PRPF8: variants seen among roughly 807,000 people sequenced by gnomAD.
The protein encoded by PRPF8 is pre-mRNA processing factor 8.
In PRPF8, 64 loss-of-function variants were observed where a neutral mutation model predicts 285.9. The ratio of observed to expected loss-of-function variants is 0.22; its 90% CI spans 0.18 to 0.28. The LOEUF is 0.28. Ranked by LOEUF, PRPF8 falls within the 10% of genes least tolerant of loss-of-function variation. PRPF8 has a pLI of 1.00. For missense variants in PRPF8, 1,426 were observed against 3,026.7 expected (o/e 0.47, Z 12.41); for synonymous variants, 1,325 against 1,118.2 (o/e 1.18, Z -3.69).
chr17:1,667,349 C>G (rs980473990), intron 24 of PRPF8, among the ~76,000 whole-genome samples: 1 of 152,170 alleles, frequency 6.6e-6, no homozygotes, highest in Middle Eastern at 3.4e-3. Context: ...GGGGAGGAGG[C>G]ATAAATTCCT....
rs186483254 is a variant in PRPF8, at chr17:1,667,035, T to C, written c.3775-4882A>G. On this transcript the variant is annotated intron_variant, in intron 24 of 42. Coordinates refer to ENST00000304992, the MANE Select transcript of PRPF8 (RefSeq NM_006445.4). ...TAAAAATACAAAAATTAGCCGGGCATGGTGGCAGGCACCTGTAATCCCAGC... is the reference window on the plus strand; with the variant it reads ...TAAAAATACAAAAATTAGCCGGGCACGGTGGCAGGCACCTGTAATCCCAGC... Among the ~76,000 whole-genome samples the C allele has an allele frequency of 2.0e-3, 302 of 152,260 alleles. 2 individuals carry two copies. The highest frequency in any genetic ancestry group is 6.8e-3 in the African/African-American group (283 of 41,540).
chr17:1,672,659 G>A (rs925130088), intron 24 of PRPF8, among the ~76,000 whole-genome samples: 3 of 151,956 alleles, frequency 2.0e-5, no homozygotes, highest in African/African-American at 7.3e-5. Context: ...TCTCAATTCC[G>A]GTTGCCTTCG....
chr17:1,682,389 T>C, intron 3 of PRPF8, 96 bp from the exon 4 acceptor site: 1 of 1,478,780 alleles, frequency 6.8e-7, no homozygotes, highest in Non-Finnish European at 9.4e-7. Context: ...TCCACAGTCC[T>C]ACCTTACAAT....
rs1195954190 is a variant in PRPF8 at position 1,653,496 on chromosome 17, A to G, written c.6369+46T>C. The G allele has an allele frequency of 1.2e-6, 2 of 1,613,336 alleles. No homozygotes were observed. The highest frequency in any genetic ancestry group is 1.7e-6 in the Non-Finnish European group (2 of 1,179,308). On this transcript the variant is annotated intron_variant, in intron 39 of 42. Coordinates refer to ENST00000304992, the MANE Select transcript of PRPF8 (RefSeq NM_006445.4). This position sits in a 1 kb window ranked among gnomAD's most constrained non-coding sequence, Gnocchi z 4.9. ...TCTCAGGTCTGAGTTTTAGGCACAA[A>G]ATGAGTTGGGCACACACTGTGGCCT...
chr17:1,667,841 CTATT>C (rs987446441), intron 24 of PRPF8, among the ~76,000 whole-genome samples: 78 of 152,210 alleles, frequency 5.1e-4, no homozygotes, highest in African/African-American at 1.7e-3. Flanking sequence ...CGCACCCGGC[CTATT>C]TATTTATTTT....
At position 1,678,716 on chromosome 17, in the gene PRPF8, C is replaced by T. The variant is rs116616717; in HGVS notation, c.1719+46G>A. ...CAGCTCCACGGTCAGCACAGGCTTC[C>T]TCCAGCGTCCTCACCCAGGCAGGGG... On this transcript the variant is annotated intron_variant, in intron 12 of 42. Transcript: ENST00000304992. 3.6e-3 allele frequency: 5,834 copies of T among 1,614,118 alleles called. 184 individuals are homozygous for T. The African/African-American group carries it at 0.067, about 18-fold the overall frequency.
chr17:1,652,374 G>A (rs1256772992), intron 39 of PRPF8, among the ~76,000 whole-genome samples: 1 of 152,158 alleles, frequency 6.6e-6, no homozygotes, highest in Non-Finnish European at 1.5e-5. Context: ...GAGTAGCTGG[G>A]ACTACAGGCA....
intron 24 of PRPF8, among the ~76,000 whole-genome samples, chr17:1,668,196 A>T (rs1441147241): frequency 6.6e-6 from 1 of 152,120 alleles, no homozygotes; most frequent in Non-Finnish European, 1.5e-5. Flanking sequence ...TAACCACTAG[A>T]GTCAACTGCA....
At chr17:1,655,989 C>T (rs376901402) in intron 36 of PRPF8, among the ~76,000 whole-genome samples, 36 of 147,820 alleles carry the variant, frequency 2.4e-4, no homozygotes, top group African/African-American at 7.6e-4. Flanking sequence ...GGTGCCATCT[C>T]GGCTCACTGC....
chr17:1,660,495 G>T lies in PRPF8; in HGVS notation c.4722C>A (p.Ile1574=), dbSNP rs922718068. The T allele has an allele frequency of 1.2e-6, 2 of 1,614,208 alleles. No homozygotes were observed. Among genetic ancestry groups the T allele is most frequent in the South Asian group, 2.2e-5 (2 of 91,088 alleles). ...GCCACAAGTGAGCTCGGAAGATCTG[G>T]ATGAGAGAGATCTTCAGCGTGGGGA... ...GKIPTLKISL[I]QIFRAHLWQK... Residue 1574 remains isoleucine (I), a synonymous_variant, in exon 30 of 43, where the codon ATC becomes ATA. Transcript: ENST00000304992.
At position 1,674,510 on chromosome 17, in the gene PRPF8, T is replaced by C; in HGVS notation, c.3231A>G (p.Ile1077Met). ...GGATGGGGTGGGCAGCCTCAGTGGC[T>C]ATGTCCTGGAAACTGAGAAAGTCAT... ...MPNDFLSFQDIATEAAHPIRL... is the reference protein window; with the variant it reads ...MPNDFLSFQDMATEAAHPIRL... Residue 1077 changes from isoleucine (I) to methionine (M), a missense_variant, in exon 21 of 43, where the codon ATA (isoleucine) becomes ATG (methionine). Ile to Met is a conservative substitution (Grantham distance 10). Transcript: ENST00000304992. The C allele has an allele frequency of 5.0e-6, 8 of 1,614,184 alleles. No individual in the cohort carries two copies. Among genetic ancestry groups the C allele is most frequent in the Non-Finnish European group, 6.8e-6 (8 of 1,180,046 alleles).
chr17:1,660,417 T>G lies in PRPF8; in HGVS notation c.4785+15A>C. On this transcript the variant is annotated intron_variant, in intron 30 of 42. Transcript: ENST00000304992. Reference sequence around the variant, plus strand: ...TGACTCTCTACAGTACCCTCTCCCCTCGATTCCAGCCCACCTGACATAAGT... The same window carrying G: ...TGACTCTCTACAGTACCCTCTCCCCGCGATTCCAGCCCACCTGACATAAGT... 1.2e-6 allele frequency: 2 copies of G among 1,613,416 alleles called. No homozygotes were observed. The highest frequency in any genetic ancestry group is 3.3e-5 in the Admixed American group (2 of 59,976).
intron 30 of PRPF8, 88 bp from the exon 31 acceptor site, chr17:1,660,089 GTC>G: frequency 1.4e-6 from 2 of 1,440,278 alleles, no homozygotes; most frequent in Non-Finnish European, 1.9e-6. Context: ...GGCAATAGGA[GTC>G]TCATCCTCAG....
Position 1,675,918 on chromosome 17 carries a change from C to T in PRPF8, c.2679+10G>A. Reference sequence around the variant, plus strand: ...AGAACCAAAAAGAAAACTTGGGAGGCCTCACTCACCTCTTTGAAGGCTCTC... The same window carrying T: ...AGAACCAAAAAGAAAACTTGGGAGGTCTCACTCACCTCTTTGAAGGCTCTC... On this transcript the variant is annotated intron_variant, in intron 18 of 42. Coordinates refer to ENST00000304992, the MANE Select transcript of PRPF8 (RefSeq NM_006445.4). The surrounding 1 kb of genome is among the most constrained non-coding windows in gnomAD (Gnocchi z 6.0). 6.2e-7 allele frequency: 1 copy of T among 1,614,106 alleles called. No homozygotes were observed. The highest frequency in any genetic ancestry group is 8.5e-7 in the Non-Finnish European group (1 of 1,180,006).
Position 1,654,020 on chromosome 17 carries a change from T to G in PRPF8, c.5988-4A>C. On this transcript the variant is annotated splice_region_variant and splice_polypyrimidine_tract_variant and intron_variant, in intron 37 of 42. Coordinates refer to ENST00000304992, the MANE Select transcript of PRPF8 (RefSeq NM_006445.4). ...TGTCAGTGATGCCACGTTCACACTGTGGGGATGGTGTGGGTTATATTACAA... is the reference window on the plus strand; with the variant it reads ...TGTCAGTGATGCCACGTTCACACTGGGGGGATGGTGTGGGTTATATTACAA... The G allele has an allele frequency of 6.2e-7, 1 of 1,614,166 alleles. No individual in the cohort carries two copies. The highest frequency in any genetic ancestry group is 8.5e-7 in the Non-Finnish European group (1 of 1,180,038).
chr17:1,672,064 C>T (rs956418846), intron 24 of PRPF8, among the ~76,000 whole-genome samples: 12 of 151,984 alleles, frequency 7.9e-5, no homozygotes, highest in Admixed American at 3.3e-4. Context: ...AAATCCAAAA[C>T]ATTTCTGGTC....
intron 39 of PRPF8, among the ~76,000 whole-genome samples, chr17:1,652,474 AG>A (rs1312660854): frequency 6.6e-6 from 1 of 152,200 alleles, no homozygotes; most frequent in African/African-American, 2.4e-5. Context: ...CCTGACCTCA[AG>A]TGATTCACCC....
chr17:1,660,485 G>A lies in PRPF8; in HGVS notation c.4732C>T (p.Arg1578Ter). 1.2e-6 allele frequency: 2 copies of A among 1,614,192 alleles called. No homozygotes were observed. The highest frequency in any genetic ancestry group is 1.7e-6 in the Non-Finnish European group (2 of 1,180,034). The change falls in exon 30 of 43, where the codon CGA (arginine) becomes TGA (stop). Residue 1578 changes from arginine to a stop codon, truncating the protein, a stop_gained. Coordinates refer to ENST00000304992, the MANE Select transcript of PRPF8 (RefSeq NM_006445.4). LOFTEE classifies it high-confidence loss of function. ...TLKISLIQIF[R>*]AHLWQKIHES... is the part of the protein sequence containing the mutation. ...TGGATCTTCTGCCACAAGTGAGCTC[G>A]GAAGATCTGGATGAGAGAGATCTTC...
In PRPF8 at chr17:1,653,563, G is replaced by A. The variant is rs1413398015; in HGVS notation, c.6348C>T (p.Cys2116=). The A allele has an allele frequency of 6.2e-7, 1 of 1,614,106 alleles. No homozygotes were observed. Among genetic ancestry groups the A allele is most frequent in the Non-Finnish European group, 8.5e-7 (1 of 1,180,040 alleles). The change falls in exon 39 of 43, where the codon TGC becomes TGT. Residue 2116 remains cysteine (C), a synonymous_variant. Coordinates refer to ENST00000304992, the MANE Select transcript of PRPF8 (RefSeq NM_006445.4). This position sits in a 1 kb window ranked among gnomAD's most constrained non-coding sequence, Gnocchi z 4.9. ...TCACTTGGGCCCGAAGGTCAGATATGCAGATGAACTTCTTAAGCACATTCT... is the reference window on the plus strand; with the variant it reads ...TCACTTGGGCCCGAAGGTCAGATATACAGATGAACTTCTTAAGCACATTCT... ...LPKNVLKKFI[C]ISDLRAQIAG... is the part of the protein sequence containing the mutation.
Sources: allele counts gnomAD v4.1 joint callset (sites outside exome capture counted in the v4.1 genomes callset), GRCh38; gene constraint gnomAD v4.1.1; non-coding constraint Gnocchi (gnomAD v3.1); transcripts MANE v1.5; gene names NCBI Gene and HGNC (gene_info 2026-07-23, HGNC 2026-07-21).